TNFAIP6: variants seen among roughly 807,000 people sequenced by gnomAD.
TNFAIP6 encodes the protein tumor necrosis factor-inducible gene 6 protein.
Under a neutral mutation model 33.7 loss-of-function variants are expected in TNFAIP6, and 36 were observed. The observed-to-expected ratio is 1.07, with a 90% CI of 0.82 to 1.41. The LOEUF is 1.41. Among genes scored for constraint, TNFAIP6 ranks in the 40% most tolerant of loss-of-function variants. TNFAIP6 has a pLI of 0.00. For synonymous variants in TNFAIP6, 113 were observed against 112.8 expected, an observed-to-expected ratio of 1.00 and a Z score of -0.01; for missense variants, 273 against 331.9, an observed-to-expected ratio of 0.82 and a Z score of 1.38.
intron 3 of TNFAIP6, 124 bp downstream of exon 3, chr2:151,366,341 T>C: frequency 3.7e-6 from 3 of 802,170 alleles, no homozygotes; most frequent in Non-Finnish European, 5.9e-6. Flanking sequence ...CTACTACTAA[T>C]AACTACAATT....
chr2:151,377,458 C>T (rs28529741), intron 5 of TNFAIP6, among the ~76,000 whole-genome samples: 4,187 of 145,622 alleles, frequency 0.029, 161 homozygotes, highest in African/African-American at 0.089. Context: ...CGTGAGCCAC[C>T]GTGCCCGGCC....
intron 5 of TNFAIP6, among the ~76,000 whole-genome samples, chr2:151,375,816 G>A (rs973339735): frequency 9.9e-5 from 15 of 152,078 alleles, no homozygotes; most frequent in African/African-American, 3.4e-4. Flanking sequence ...AACAAAAATA[G>A]AAAATAAAGA....
At chr2:151,361,306 C>G (rs1286791869) in intron 1 of TNFAIP6, among the ~76,000 whole-genome samples, 9 of 152,068 alleles carry the variant, frequency 5.9e-5, no homozygotes, top group Admixed American at 5.9e-4. Flanking sequence ...GAACTTCTAA[C>G]CTCAGGTGAT....
Position 151,357,634 on chromosome 2 carries a change from CT to C in TNFAIP6, c.-32del, listed in dbSNP as rs766865060. The C allele has an allele frequency of 1.7e-5, 24 of 1,381,866 alleles. No homozygotes were observed. The Admixed American group carries it at 3.9e-4, about 22-fold the overall frequency. 85.6% of individuals were successfully genotyped at this position (1,381,866 alleles called of 1,614,324 possible). ...TGCTCTGAGAATTTGTGAGCAGCCC[CT>C]AACAGGCTGTTACTTCACTACAACT... On this transcript the variant is annotated 5_prime_UTR_variant, in exon 1 of 6. Coordinates refer to ENST00000243347, the MANE Select transcript of TNFAIP6 (RefSeq NM_007115.4).
At chr2:151,367,764 G>T (rs1233345205) in intron 3 of TNFAIP6, among the ~76,000 whole-genome samples, 1 of 151,976 alleles carries the variant, frequency 6.6e-6, no homozygotes, top group Non-Finnish European at 1.5e-5. Flanking sequence ...GGATTTGGTG[G>T]TATGCTGACT....
At chr2:151,376,400 C>A (rs1341239455) in intron 5 of TNFAIP6, among the ~76,000 whole-genome samples, 28 of 127,992 alleles carry the variant, frequency 2.2e-4, no homozygotes, top group African/African-American at 7.6e-4. Context: ...GCCTGGGAGA[C>A]AGAGTGATAT....
At chr2:151,377,054 G>A (rs1331215530) in intron 5 of TNFAIP6, among the ~76,000 whole-genome samples, 3 of 151,662 alleles carry the variant, frequency 2.0e-5, no homozygotes, top group African/African-American at 7.3e-5. Flanking sequence ...GCCTAGGCTG[G>A]TCCTGAAGTC....
chr2:151,370,353 G>A, intron 4 of TNFAIP6, 105 bp downstream of exon 4: 1 of 834,640 alleles, frequency 1.2e-6, no homozygotes, highest in Admixed American at 2.3e-5. Flanking sequence ...TTTTGGAATA[G>A]TTCTACTCTC....
At chr2:151,378,798 C>T (rs1353303199) in intron 5 of TNFAIP6, among the ~76,000 whole-genome samples, 2 of 150,976 alleles carry the variant, frequency 1.3e-5, no homozygotes, top group Non-Finnish European at 3.0e-5. Flanking sequence ...CCAAGAGTAC[C>T]TTTTAAATAC....
intron 2 of TNFAIP6, among the ~76,000 whole-genome samples, chr2:151,365,421 T>C (rs1352941585): frequency 6.6e-6 from 1 of 152,038 alleles, no homozygotes; most frequent in Non-Finnish European, 1.5e-5. Context: ...GGCAGATCAC[T>C]TGAGGTCAGG....
chr2:151,367,663 T>G (rs1039019134), intron 3 of TNFAIP6, among the ~76,000 whole-genome samples: 10 of 152,184 alleles, frequency 6.6e-5, no homozygotes, highest in Non-Finnish European at 1.0e-4. Context: ...TAAGTTGCTT[T>G]CTTTTCTCAG....
chr2:151,366,395 C>T (rs1684710873), intron 3 of TNFAIP6, among the ~76,000 whole-genome samples, 178 bp downstream of exon 3: 1 of 151,944 alleles, frequency 6.6e-6, no homozygotes, highest in South Asian at 2.1e-4. Context: ...TGTGTTCCTT[C>T]GTCTACACTC....
At chr2:151,369,502 A>C (rs1018252314) in intron 3 of TNFAIP6, among the ~76,000 whole-genome samples, 24 of 152,016 alleles carry the variant, frequency 1.6e-4, no homozygotes, top group South Asian at 8.3e-4. Context: ...GGCTGGGCAC[A>C]GTGGCTCATG....
intron 3 of TNFAIP6, chr2:151,368,341 C>T (rs541100057): frequency 2.7e-5 from 4 of 149,700 alleles, no homozygotes; most frequent in East Asian, 2.0e-4. Context: ...TGTTGCTCCC[C>T]AGCCTTTCTA....
chr2:151,374,397 T>C (rs1238058642), intron 5 of TNFAIP6, among the ~76,000 whole-genome samples: 1 of 152,238 alleles, frequency 6.6e-6, no homozygotes, highest in Non-Finnish European at 1.5e-5. Context: ...AGTATTTTAT[T>C]TTATTTCCAT....
In TNFAIP6 at chr2:151,359,950, G is replaced by A. The variant is rs145266043; in HGVS notation, c.94+2190G>A. 1.1e-4 allele frequency among the ~76,000 whole-genome samples: 16 copies of A among 152,202 alleles called. No individual in the cohort carries two copies. In the East Asian group the frequency reaches 2.9e-3, roughly 28 times the overall value. ...TACAATCATTTTACATGGATCATGA[G>A]AATAAAAAATGCACAGATAAGCAAT... On this transcript the variant is annotated intron_variant, in intron 1 of 5. Transcript: ENST00000243347.
chr2:151,370,037 G>A lies in TNFAIP6; in HGVS notation c.412G>A (p.Val138Ile), dbSNP rs564029423. 27 of 1,613,686 alleles carry A rather than the reference G, an allele frequency of 1.7e-5. No homozygotes were observed. The African/African-American group carries it at 1.9e-4, about 11-fold the overall frequency. Residue 138 changes from valine (V) to isoleucine (I), a missense_variant, in exon 4 of 6, where the codon GTC becomes ATC. Transcript: ENST00000243347. ...CATTTCAGCAAAGGAGTGTGGTGGCGTCTTTACAGATCCAAAGCAAATTTT... is the reference window on the plus strand; with the variant it reads ...CATTTCAGCAAAGGAGTGTGGTGGCATCTTTACAGATCCAAAGCAAATTTT... ...YNPHAKECGG[V>I]FTDPKQIFKS...
intron 3 of TNFAIP6, among the ~76,000 whole-genome samples, chr2:151,366,813 CT>C (rs1456140140): frequency 6.6e-6 from 1 of 152,070 alleles, no homozygotes; most frequent in Admixed American, 6.6e-5. Context: ...TATATACTAG[CT>C]ATCATTATAC....
intron 5 of TNFAIP6, among the ~76,000 whole-genome samples, chr2:151,376,410 T>A (rs1684906748): frequency 9.4e-6 from 1 of 106,208 alleles, no homozygotes; most frequent in Non-Finnish European, 2.0e-5. Context: ...CAGAGTGATA[T>A]TCTGTCTCAA....
Sources: gnomAD v4.1 joint callset for allele counts (sites outside exome capture counted in the v4.1 genomes callset) on GRCh38, gnomAD v4.1.1 for gene constraint, MANE v1.5 for transcripts, NCBI Gene and HGNC (gene_info 2026-07-23, HGNC 2026-07-21) for gene names.